ST6GAL1: variants seen among roughly 807,000 people sequenced by gnomAD.
ST6GAL1 encodes ST6 beta-galactoside alpha-2,6-sialyltransferase 1, also known as beta-galactoside alpha-2,6-sialyltransferase 1.
Under a neutral mutation model 38.0 loss-of-function variants are expected in ST6GAL1, and 20 were observed. That is an observed-to-expected ratio of 0.53 (90% CI 0.37 to 0.77). The LOEUF (loss-of-function observed/expected upper bound fraction) is 0.77. Ranked by LOEUF, ST6GAL1 falls within the 30% of genes least tolerant of loss-of-function variation. The pLI, the probability that ST6GAL1 is intolerant of heterozygous loss-of-function variation, is 0.00. For missense variants in ST6GAL1, 432 were observed against 496.4 expected, an observed-to-expected ratio of 0.87 and a Z score of 1.23; for synonymous variants, 196 against 188.2, an observed-to-expected ratio of 1.04 and a Z score of -0.34.
At chr3:187,032,968 T>C (rs901198438) in intron 2 of ST6GAL1, among the ~76,000 whole-genome samples, 9 of 152,222 alleles carry the variant, frequency 5.9e-5, no homozygotes, top group Admixed American at 5.9e-4. Context: ...CCATATGGCT[T>C]CCTCTTAGTT....
chr3:186,960,773 T>A (rs1038810870), intron 1 of ST6GAL1, among the ~76,000 whole-genome samples: 3 of 151,952 alleles, frequency 2.0e-5, no homozygotes, highest in African/African-American at 7.2e-5. Context: ...TGTTTTTTTT[T>A]TAAATTTTTT....
At chr3:186,932,416 C>T (rs1465714293) in intron 1 of ST6GAL1, among the ~76,000 whole-genome samples, 1 of 152,230 alleles carries the variant, frequency 6.6e-6, no homozygotes, top group East Asian at 1.9e-4. Context: ...TAGGGTGAAA[C>T]AAAGAGTAAT....
chr3:187,024,288 G>C (rs1035370924), intron 2 of ST6GAL1, among the ~76,000 whole-genome samples: 3 of 151,418 alleles, frequency 2.0e-5, no homozygotes, highest in Non-Finnish European at 4.4e-5. Context: ...AGAGACGGGG[G>C]TTTCACCATG....
intron 5 of ST6GAL1, among the ~76,000 whole-genome samples, chr3:187,054,266 C>T (rs577375061): frequency 1.8e-3 from 279 of 152,274 alleles, no homozygotes; most frequent in Non-Finnish European, 3.0e-3. Context: ...TCGACTTCCT[C>T]TTTTCCTAAT....
Position 187,061,896 on chromosome 3 carries a change from A to G in ST6GAL1, c.705+10550A>G, listed in dbSNP as rs572063916. Among the ~76,000 whole-genome samples, 49 of 152,298 alleles carry G rather than the reference A, an allele frequency of 3.2e-4. 1 individual carries two copies. The highest frequency in any genetic ancestry group is 9.1e-4 in the African/African-American group (38 of 41,568). On this transcript the variant is annotated intron_variant, in intron 5 of 7. Transcript: ENST00000169298. ...TTGGACTTTATGAAAATTAAAAATA[A>G]TTGTATATCAAAAGATACTCTCAAC...
At chr3:187,034,793 A>G (rs61577994) in intron 2 of ST6GAL1, among the ~76,000 whole-genome samples, 5,339 of 152,296 alleles carry the variant, frequency 0.035, 334 homozygotes, top group African/African-American at 0.12. Flanking sequence ...TCCACAGCCA[A>G]TATCATACTG....
At chr3:186,973,180 C>A (rs1216709965) in intron 2 of ST6GAL1, among the ~76,000 whole-genome samples, 1 of 152,150 alleles carries the variant, frequency 6.6e-6, no homozygotes, top group Admixed American at 6.5e-5. Flanking sequence ...GGATTGCAGG[C>A]GCCCGCCATC....
At chr3:187,067,769 A>C (rs1009362571) in intron 5 of ST6GAL1, among the ~76,000 whole-genome samples, 1 of 152,088 alleles carries the variant, frequency 6.6e-6, no homozygotes, top group Non-Finnish European at 1.5e-5. Context: ...ATCTGTTAGG[A>C]GCCTGCCTCT....
intron 1 of ST6GAL1, among the ~76,000 whole-genome samples, chr3:186,931,734 C>A (rs773191001): frequency 1.3e-5 from 2 of 152,212 alleles, no homozygotes; most frequent in African/African-American, 4.8e-5. Context: ...CTCTGAGGCC[C>A]GTGTCCGTGT....
chr3:187,016,340 G>A (rs866666468), intron 2 of ST6GAL1, among the ~76,000 whole-genome samples: 8 of 152,266 alleles, frequency 5.3e-5, no homozygotes, highest in South Asian at 2.1e-4. Flanking sequence ...TTATTTTTCT[G>A]ACTGGAAAAA....
chr3:186,962,672 CCTAAGA>C (rs1714972639), intron 1 of ST6GAL1, among the ~76,000 whole-genome samples: 2 of 152,158 alleles, frequency 1.3e-5, no homozygotes, highest in South Asian at 4.1e-4. Context: ...CAGTTTTATT[CCTAAGA>C]CTGTGTCCAA....
chr3:186,974,730 G>GT (rs927331668), intron 2 of ST6GAL1, among the ~76,000 whole-genome samples: 5 of 151,530 alleles, frequency 3.3e-5, no homozygotes, highest in East Asian at 1.9e-4. Flanking sequence ...CCTGGTTGGG[G>GT]GGGGGGCGCC....
At chr3:186,964,274 AACAC>A (rs149684520) in intron 2 of ST6GAL1, 1 of 152,192 alleles carries the variant, frequency 6.6e-6, no homozygotes, top group Non-Finnish European at 1.5e-5. Context: ...GCTCTTGGGA[AACAC>A]ACACACACGC....
At chr3:186,951,249 G>T (rs896037445) in intron 1 of ST6GAL1, among the ~76,000 whole-genome samples, 1 of 152,064 alleles carries the variant, frequency 6.6e-6, no homozygotes, top group Admixed American at 6.6e-5. Context: ...TAGAGATAGG[G>T]TTTCACCATG....
chr3:186,939,195 C>T (rs573511799), intron 1 of ST6GAL1, among the ~76,000 whole-genome samples: 1 of 152,110 alleles, frequency 6.6e-6, no homozygotes, highest in Admixed American at 6.6e-5. Context: ...CTGCCTCAGC[C>T]TCCGAGTAGC....
intron 1 of ST6GAL1, among the ~76,000 whole-genome samples, chr3:186,941,673 T>C (rs1469078555): frequency 2.0e-5 from 3 of 152,064 alleles, no homozygotes; most frequent in Non-Finnish European, 2.9e-5. Flanking sequence ...TGGAACAAGC[T>C]GTGTTACAAG....
At chr3:186,941,361 A>T (rs981058366) in intron 1 of ST6GAL1, among the ~76,000 whole-genome samples, 1 of 152,148 alleles carries the variant, frequency 6.6e-6, no homozygotes, top group Non-Finnish European at 1.5e-5. Flanking sequence ...CTGGAGTGTT[A>T]TGCTTCCCTG....
intron 5 of ST6GAL1, 44 bp downstream of exon 5, chr3:187,051,390 A>C (rs543495694): frequency 1.9e-6 from 3 of 1,570,416 alleles, no homozygotes; most frequent in Admixed American, 3.4e-5. Flanking sequence ...GAAGGACCAC[A>C]GTGTGGGCTC....
intron 5 of ST6GAL1, among the ~76,000 whole-genome samples, chr3:187,052,734 T>G (rs1306329827): frequency 6.6e-6 from 1 of 152,234 alleles, no homozygotes; most frequent in African/African-American, 2.4e-5. Flanking sequence ...TCTTTGCTAT[T>G]GTGAATACTG....
Sources: gnomAD v4.1 joint callset for allele counts (sites outside exome capture counted in the v4.1 genomes callset) on GRCh38, gnomAD v4.1.1 for gene constraint, MANE v1.5 for transcripts, NCBI Gene and HGNC (gene_info 2026-07-23, HGNC 2026-07-21) for gene names.